The following AZGP1 variants were observed in gnomAD, a reference collection of about 807,000 sequenced individuals.
AZGP1 encodes zinc-alpha-2-glycoprotein.
AZGP1 carries 28 observed loss-of-function variants against 31.5 expected under a neutral mutation model. The ratio of observed to expected loss-of-function variants is 0.89; its 90% CI spans 0.66 to 1.22. The LOEUF (loss-of-function observed/expected upper bound fraction) is 1.22. AZGP1 is among the 50% of genes most tolerant of loss of function. The pLI is 0.00. For synonymous variants in AZGP1, 135 were observed against 145.4 expected (o/e 0.93, Z 0.51); for missense variants, 361 against 371.8 (o/e 0.97, Z 0.24).
In AZGP1 at chr7:99,968,138, C is replaced by G. The variant is rs756722191; in HGVS notation, c.613+17G>C. On this transcript the variant is annotated intron_variant, in intron 3 of 3. Coordinates refer to ENST00000292401, the MANE Select transcript of AZGP1 (RefSeq NM_001185.4). The stretch of plus-strand genomic sequence containing the variant: ...TTATTCTGGGCTCAGTACTGGGGAG[C>G]AGGAAGCAGTGAGTACCTTGCCGGT... The G allele has an allele frequency of 2.9e-5, 46 of 1,613,402 alleles. No homozygotes were observed. The highest frequency in any genetic ancestry group is 1.0e-4 in the Admixed American group (6 of 59,966).
At chr7:99,974,158 A>G (rs1182929028) in intron 1 of AZGP1, among the ~76,000 whole-genome samples, 1 of 152,070 alleles carries the variant, frequency 6.6e-6, no homozygotes, top group Admixed American at 6.6e-5. Flanking sequence ...CCGAGGCAAG[A>G]TAATTGCTTG....
At chr7:99,974,278 T>C (rs1789624373) in intron 1 of AZGP1, among the ~76,000 whole-genome samples, 1 of 151,018 alleles carries the variant, frequency 6.6e-6, no homozygotes, top group East Asian at 2.0e-4. Context: ...CATAATTTAA[T>C]TGTACACTTT....
At chr7:99,971,018 G>A (rs1443680538) in intron 2 of AZGP1, among the ~76,000 whole-genome samples, 11 of 152,170 alleles carry the variant, frequency 7.2e-5, no homozygotes, top group Admixed American at 1.3e-4. Context: ...TGCATCGTAT[G>A]GTAAGGAGGA....
rs991738989 is a variant in AZGP1, at chr7:99,975,822, G to A, written c.76+123C>T. ...GAGCTGAGGGAGTTGACAGCCTTGG[G>A]CACCCATTCCTGCCGTATGCCAGGG... On this transcript the variant is annotated intron_variant, in intron 1 of 3. Transcript: ENST00000292401. The A allele has an allele frequency of 3.1e-4, 324 of 1,043,236 alleles. 1 individual carries two copies. In the Admixed American group the frequency reaches 4.9e-3, roughly 16 times the overall value. 64.6% of individuals were successfully genotyped at this position (1,043,236 alleles called of 1,614,324 possible). A position where few individuals can be genotyped will look rare whatever the true frequency, so the allele number is the denominator to read the frequency against.
intron 1 of AZGP1, among the ~76,000 whole-genome samples, chr7:99,974,689 G>A (rs868742779): frequency 2.6e-5 from 4 of 152,116 alleles, no homozygotes; most frequent in South Asian, 2.1e-4. Context: ...AGCTTGAAGG[G>A]ATGGATACCT....
intron 2 of AZGP1, among the ~76,000 whole-genome samples, chr7:99,969,844 T>C (rs1429188129): frequency 6.6e-6 from 1 of 152,244 alleles, no homozygotes; most frequent in Non-Finnish European, 1.5e-5. Flanking sequence ...TTCTGGTGTT[T>C]GATATCTTTA....
chr7:99,973,905 CAAA>C (rs199566652), intron 1 of AZGP1, among the ~76,000 whole-genome samples: 8 of 58,034 alleles, frequency 1.4e-4, no homozygotes, highest in Admixed American at 2.1e-4. Context: ...AACTCTGTCA[CAAA>C]AAAAAAAAAA....
intron 1 of AZGP1, among the ~76,000 whole-genome samples, chr7:99,973,769 A>T (rs1199497667): frequency 6.6e-6 from 1 of 151,814 alleles, no homozygotes; most frequent in African/African-American, 2.4e-5. Context: ...TACATAAATT[A>T]GCCGGGCGTG....
rs758316196 is a variant in AZGP1, at chr7:99,966,978, C to A, written c.*25G>T. ...AAGGGCAGCTACTGGGTCTGAGATC[C>A]CACATTGCCTCCAACCCTTGCTTCC... On this transcript the variant is annotated 3_prime_UTR_variant, in exon 4 of 4. Transcript: ENST00000292401. The A allele has an allele frequency of 1.6e-5, 26 of 1,605,862 alleles. No homozygotes were observed. The South Asian group carries it at 2.3e-4, about 14-fold the overall frequency.
rs751160707 is a variant in AZGP1 at position 99,968,442 on chromosome 7, C to T, written c.338-12G>A. On this transcript the variant is annotated splice_polypyrimidine_tract_variant and intron_variant, in intron 2 of 3. Transcript: ENST00000292401. ...CAATACGTGAGACCCTGAAAACTCCCCCGACCCCACAGAGAGACAGTCAGC... is the reference window on the plus strand; with the variant it reads ...CAATACGTGAGACCCTGAAAACTCCTCCGACCCCACAGAGAGACAGTCAGC... 2.5e-6 allele frequency: 4 copies of T among 1,611,614 alleles called. No individual in the cohort carries two copies. Among genetic ancestry groups the T allele is most frequent in the Non-Finnish European group, 3.4e-6 (4 of 1,179,492 alleles).
chr7:99,970,930 C>T (rs769251286), intron 2 of AZGP1, among the ~76,000 whole-genome samples: 1 of 152,142 alleles, frequency 6.6e-6, no homozygotes, highest in Non-Finnish European at 1.5e-5. Context: ...AGCACTGGGC[C>T]GGGGGCACAG....
intron 3 of AZGP1, chr7:99,967,946 G>A (rs1447489722): frequency 1.1e-5 from 8 of 711,940 alleles, no homozygotes; most frequent in Non-Finnish European, 1.9e-5. Context: ...TGGCCTTCCT[G>A]GCCCATTCTG....
At chr7:99,975,883 T>A in intron 1 of AZGP1, 62 bp downstream of exon 1, 1 of 1,579,288 alleles carries the variant, frequency 6.3e-7, no homozygotes, top group Middle Eastern at 1.7e-4. Context: ...CCCAGCCACA[T>A]GTCCTGTTCC....
chr7:99,972,030 G>A, intron 1 of AZGP1, 24 bp from the exon 2 acceptor site: 1 of 1,583,870 alleles, frequency 6.3e-7, no homozygotes, highest in Non-Finnish European at 8.6e-7. Context: ...GATTCTGATG[G>A]TTGAGGTCCA....
intron 2 of AZGP1, among the ~76,000 whole-genome samples, chr7:99,971,363 G>C (rs1476730475): frequency 3.3e-5 from 5 of 152,212 alleles, no homozygotes; most frequent in African/African-American, 1.2e-4. Flanking sequence ...GGTGAGCCCA[G>C]GTCTGAGTGA....
chr7:99,966,840 A>T lies in AZGP1; in HGVS notation c.*163T>A. The T allele has an allele frequency of 9.1e-7, 1 of 1,093,800 alleles. No homozygotes were observed. Among genetic ancestry groups the T allele is most frequent in the Non-Finnish European group, 1.3e-6 (1 of 768,020 alleles). 67.8% of individuals were successfully genotyped at this position (1,093,800 alleles called of 1,614,324 possible). A position where few individuals can be genotyped will look rare whatever the true frequency, so the allele number is the denominator to read the frequency against. On this transcript the variant is annotated 3_prime_UTR_variant, in exon 4 of 4. Transcript: ENST00000292401. ...GGGTCCAAGTCTACTCAAGACAGGC[A>T]TCCCAGTCTTCGGTCTCCAAATCCA...
chr7:99,972,093 T>C (rs1463684838), intron 1 of AZGP1, 87 bp from the exon 2 acceptor site: 1 of 1,436,892 alleles, frequency 7.0e-7, no homozygotes, highest in Non-Finnish European at 9.3e-7. Flanking sequence ...GACCTGCCAC[T>C]GGCCTTTTCT....
At position 99,971,454 on chromosome 7, in the gene AZGP1, G is replaced by A. The variant is rs560805089; in HGVS notation, c.337+292C>T. The A allele has an allele frequency of 6.1e-4, 211 of 347,864 alleles. 1 individual carries two copies. The highest frequency in any genetic ancestry group is 2.8e-3 in the African/African-American group (137 of 48,714). 21.5% of individuals were successfully genotyped at this position (347,864 alleles called of 1,614,324 possible). The stretch of plus-strand genomic sequence containing the variant: ...CCTTCTCACGGGGGTATCAGCCTCC[G>A]ATGGGTGGGGTGTGGAGGTGAGAGG... On this transcript the variant is annotated intron_variant, in intron 2 of 3. Transcript: ENST00000292401.
At chr7:99,972,896 T>A (rs1020119198) in intron 1 of AZGP1, among the ~76,000 whole-genome samples, 1 of 151,684 alleles carries the variant, frequency 6.6e-6, no homozygotes, top group Non-Finnish European at 1.5e-5. Context: ...GGCGGGTGGA[T>A]CACGAGGTCA....
Sources: gnomAD v4.1 joint callset for allele counts (sites outside exome capture counted in the v4.1 genomes callset) on GRCh38, gnomAD v4.1.1 for gene constraint, MANE v1.5 for transcripts, NCBI Gene and HGNC (gene_info 2026-07-23, HGNC 2026-07-21) for gene names.